TMF1: variants seen among roughly 807,000 people sequenced by gnomAD.
The protein encoded by TMF1 is TATA element modulatory factor 1.
Under a neutral mutation model 126.5 loss-of-function variants are expected in TMF1, and 71 were observed. The ratio of observed to expected loss-of-function variants is 0.56; its 90% CI spans 0.46 to 0.68. The LOEUF is 0.68. Among genes scored for constraint, TMF1 ranks in the 30% least tolerant of loss-of-function variants. TMF1 has a pLI of 0.00. For synonymous variants in TMF1, 461 were observed against 430.5 expected, an observed-to-expected ratio of 1.07 and a Z score of -0.88; for missense variants, 1,259 against 1,253.2, an observed-to-expected ratio of 1.00 and a Z score of -0.07.
intron 12 of TMF1, 79 bp downstream of exon 12, chr3:69,028,147 T>A: frequency 7.7e-7 from 1 of 1,294,462 alleles, no homozygotes; most frequent in Non-Finnish European, 1.1e-6. Flanking sequence ...TTTCATCTTG[T>A]TATCTCATTA....
At chr3:69,051,022 ATCT>A (rs1401817246) in intron 1 of TMF1, among the ~76,000 whole-genome samples, 3 of 152,188 alleles carry the variant, frequency 2.0e-5, no homozygotes, top group African/African-American at 2.4e-5. Flanking sequence ...CCATCCAGAA[ATCT>A]TGGGTCACAC....
chr3:69,040,619 C>T (rs1327844671), intron 5 of TMF1, among the ~76,000 whole-genome samples: 1 of 152,090 alleles, frequency 6.6e-6, no homozygotes, highest in African/African-American at 2.4e-5. Flanking sequence ...TTTTACAGCT[C>T]TTTAGCTTTA....
intron 10 of TMF1, among the ~76,000 whole-genome samples, chr3:69,032,166 G>A (rs954389398): frequency 3.9e-5 from 6 of 152,060 alleles, no homozygotes; most frequent in Non-Finnish European, 8.8e-5. Flanking sequence ...GAGAAGCCCA[G>A]CCTCTTATTT....
chr3:69,040,856 A>G (rs1286269402), intron 5 of TMF1, among the ~76,000 whole-genome samples: 1 of 151,578 alleles, frequency 6.6e-6, no homozygotes, highest in East Asian at 1.9e-4. Context: ...TGGGAGGCGG[A>G]GGTTGCAGTG....
chr3:69,029,159 G>A (rs982460245), intron 11 of TMF1, among the ~76,000 whole-genome samples: 10 of 150,870 alleles, frequency 6.6e-5, no homozygotes, highest in Admixed American at 2.6e-4. Context: ...TCAGCCTCCC[G>A]AGTAGCTGGA....
intron 8 of TMF1, among the ~76,000 whole-genome samples, chr3:69,038,046 A>G (rs1297635923): frequency 6.6e-6 from 1 of 152,224 alleles, no homozygotes; most frequent in Non-Finnish European, 1.5e-5. Context: ...CTAAGGATAT[A>G]TATCTAGGAG....
At chr3:69,025,852 T>C (rs2091764459) in intron 14 of TMF1, 140 bp from the exon 15 acceptor site, 1 of 1,160,362 alleles carries the variant, frequency 8.6e-7, no homozygotes, top group Admixed American at 2.6e-5. Context: ...GTGTTTCCTC[T>C]CACTAAAATT....
chr3:69,021,640 G>A lies in TMF1; in HGVS notation c.*1537C>T, dbSNP rs1302680565. 1 of 151,486 alleles carries A rather than the reference G, an allele frequency of 6.6e-6. No individual in the cohort carries two copies. Among genetic ancestry groups the A allele is most frequent in the African/African-American group, 2.4e-5 (1 of 41,324 alleles). 9.4% of individuals were successfully genotyped at this position (151,486 alleles called of 1,614,324 possible). On this transcript the variant is annotated 3_prime_UTR_variant, in exon 17 of 17. Coordinates refer to ENST00000398559, the MANE Select transcript of TMF1 (RefSeq NM_007114.3). ...GATGGTGTACTTGTATCTATATTCT[G>A]AAGTACTAGTGTTTTAATTTTAACT...
intron 9 of TMF1, 124 bp from the exon 10 acceptor site, chr3:69,033,828 T>A (rs565967914): frequency 1.1e-6 from 1 of 898,892 alleles, no homozygotes. Context: ...ATTTGCTTTT[T>A]AATTATTATT....
Position 69,039,789 on chromosome 3 carries a change from T to A in TMF1, c.1685-96A>T, listed in dbSNP as rs931888316. 8 of 1,371,774 alleles carry A rather than the reference T, an allele frequency of 5.8e-6. No homozygotes were observed. The African/African-American group carries it at 1.2e-4, about 20-fold the overall frequency. The allele number at this position is 1,371,774 out of a possible 1,614,324, so 85.0% of individuals were successfully genotyped here. On this transcript the variant is annotated intron_variant, in intron 5 of 16. Transcript: ENST00000398559. Reference sequence around the variant, plus strand: ...TAATAGTAACATAAAAGAACAGAATTTTTTTAAATTACAATTTTGTAACCC... The same window carrying A: ...TAATAGTAACATAAAAGAACAGAATATTTTTAAATTACAATTTTGTAACCC...
At chr3:69,044,871 T>G (rs2091886935) in intron 2 of TMF1, among the ~76,000 whole-genome samples, 2 of 152,214 alleles carry the variant, frequency 1.3e-5, no homozygotes, top group Non-Finnish European at 2.9e-5. Context: ...ACATACTCTT[T>G]GATATAGAAA....
chr3:69,043,003 T>A (rs573083261), intron 4 of TMF1, 91 bp from the exon 5 acceptor site: 2 of 881,794 alleles, frequency 2.3e-6, no homozygotes, highest in African/African-American at 1.7e-5. Context: ...AAGCTGTCCA[T>A]AATCACATTT....
chr3:69,049,289 A>T (rs952867440), intron 1 of TMF1, among the ~76,000 whole-genome samples: 1 of 152,202 alleles, frequency 6.6e-6, no homozygotes, highest in African/African-American at 2.4e-5. Flanking sequence ...TGGGAAGATC[A>T]TCTGAGCCCA....
rs140994988 is a variant in TMF1, at chr3:69,051,319, A to G, written c.142+626T>C. ...GTGAAACCCCGTCCCTACTAAAAAT[A>G]CAAAAAGTTGCCGGGCGTGGTGGTG... On this transcript the variant is annotated intron_variant, in intron 1 of 16. Transcript: ENST00000398559. Among the ~76,000 whole-genome samples, 21 of 152,194 alleles carry G rather than the reference A, an allele frequency of 1.4e-4. No homozygotes were observed. The East Asian group carries it at 3.9e-3, about 28-fold the overall frequency.
In TMF1 at chr3:69,029,831, C is replaced by G. The variant is rs771219527; in HGVS notation, c.2578G>C (p.Glu860Gln). Residue 860 changes from glutamate to glutamine, a missense_variant, in exon 11 of 17, where the codon GAG becomes CAG. Glu to Gln is a conservative substitution (Grantham distance 29, BLOSUM62 2). Coordinates refer to ENST00000398559, the MANE Select transcript of TMF1 (RefSeq NM_007114.3). ...CATGCTCACCTATTGTTCTCATCCT[C>G]CAGTTTACACAGCCTATTTTTCTCT... is the stretch of plus-strand genomic sequence containing the variant. ...ESEKNRLCKLEDENNRYQVEL... is the reference protein window; with the variant it reads ...ESEKNRLCKLQDENNRYQVEL... 26 of 1,611,386 alleles carry G rather than the reference C, an allele frequency of 1.6e-5. No individual in the cohort carries two copies. The highest frequency in any genetic ancestry group is 3.3e-4 in the Middle Eastern group (2 of 6,042).
At chr3:69,027,088 C>A (rs980555864) in intron 13 of TMF1, among the ~76,000 whole-genome samples, 7 of 152,072 alleles carry the variant, frequency 4.6e-5, no homozygotes, top group African/African-American at 1.7e-4. Flanking sequence ...CTCCGCCTCC[C>A]GGGTTCAAGC....
In TMF1 at chr3:69,022,663, A is replaced by G. The variant is rs2091745869; in HGVS notation, c.*514T>C. 6.6e-6 allele frequency: 1 copy of G among 152,530 alleles called. No homozygotes were observed. The highest frequency in any genetic ancestry group is 2.4e-5 in the African/African-American group (1 of 41,458). The allele number at this position is 152,530 out of a possible 1,614,324, so 9.4% of individuals were successfully genotyped here. A position where few individuals can be genotyped will look rare whatever the true frequency, so the allele number is the denominator to read the frequency against. On this transcript the variant is annotated 3_prime_UTR_variant, in exon 17 of 17. Transcript: ENST00000398559. ...AAGGAAAAAAATTAGTTTAAAATTT[A>G]ATAGCCACAGATTTAATAATTTTTT...
rs755890716 is a variant in TMF1, at chr3:69,047,615, T to C, written c.1090A>G (p.Thr364Ala). ...GATTCAACTGTTTTAGACTTTGGAG[T>C]TGAAGAATTAACTATAATAGGCACT... ...ALVPIIVNSS[T>A]PKSKTVESAE... The change falls in exon 2 of 17, where the codon ACT becomes GCT. Residue 364 changes from threonine (T) to alanine (A), a missense_variant. Physicochemically the swap from Thr to Ala is moderately conservative, Grantham distance 58. Coordinates refer to ENST00000398559, the MANE Select transcript of TMF1 (RefSeq NM_007114.3). The C allele has an allele frequency of 6.2e-7, 1 of 1,614,060 alleles. No homozygotes were observed. Among genetic ancestry groups the C allele is most frequent in the Non-Finnish European group, 8.5e-7 (1 of 1,180,022 alleles).
Position 69,024,194 on chromosome 3 carries a change from C to T in TMF1, c.3013-14G>A, listed in dbSNP as rs1366349991. 1.9e-6 allele frequency: 3 copies of T among 1,587,870 alleles called. No homozygotes were observed. The highest frequency in any genetic ancestry group is 2.7e-5 in the African/African-American group (2 of 73,460). ...GCCAATTTCTAGCTGAGAAGCATTA[C>T]CACAAAATAGTTTAAATCAAAACAT... On this transcript the variant is annotated splice_polypyrimidine_tract_variant and intron_variant, in intron 15 of 16. Coordinates refer to ENST00000398559, the MANE Select transcript of TMF1 (RefSeq NM_007114.3).
Sources: gnomAD v4.1 joint callset for allele counts (sites outside exome capture counted in the v4.1 genomes callset) on GRCh38, gnomAD v4.1.1 for gene constraint, MANE v1.5 for transcripts, NCBI Gene and HGNC (gene_info 2026-07-23, HGNC 2026-07-21) for gene names.